FRMD4A: variants seen among roughly 807,000 people sequenced by gnomAD.
FRMD4A encodes the protein FERM domain containing 4A.
FRMD4A carries 29 observed loss-of-function variants against 129.1 expected under a neutral mutation model. The ratio of observed to expected loss-of-function variants is 0.22; its 90% CI spans 0.17 to 0.31. FRMD4A has a LOEUF of 0.31. Among genes scored for constraint, FRMD4A ranks in the 10% least tolerant of loss-of-function variants. The pLI, the probability that FRMD4A is intolerant of heterozygous loss-of-function variation, is 1.00. For synonymous variants in FRMD4A, 634 were observed against 571.6 expected (o/e 1.11, Z -1.56); for missense variants, 1,272 against 1,375.8 (o/e 0.92, Z 1.19).
chr10:14,197,131 C>T (rs1056485783), intron 2 of FRMD4A, among the ~76,000 whole-genome samples: 40 of 152,276 alleles, frequency 2.6e-4, no homozygotes, highest in African/African-American at 9.1e-4. Flanking sequence ...CTGGGACAAG[C>T]AGCTCAACCC....
chr10:14,123,796 T>G (rs564976999), intron 2 of FRMD4A, among the ~76,000 whole-genome samples: 2 of 152,232 alleles, frequency 1.3e-5, no homozygotes, highest in African/African-American at 2.4e-5. Flanking sequence ...AGCCTTTACA[T>G]AGCATGTTAT....
rs186147719 is a variant in FRMD4A, at chr10:14,185,628, C to T, written c.45+144430G>A. Among the ~76,000 whole-genome samples the T allele has an allele frequency of 3.1e-4, 47 of 152,230 alleles. 1 individual carries two copies. In the East Asian group the frequency reaches 6.0e-3, roughly 19 times the overall value. ...AGAGACAGAAAGGGGATATATACTT[C>T]ATGGTCAGAGAGCTGCAGGGGCGGT... On this transcript the variant is annotated intron_variant, in intron 2 of 24. Coordinates refer to ENST00000357447, the MANE Select transcript of FRMD4A (RefSeq NM_018027.5).
At chr10:14,160,125 T>G (rs1179280862) in intron 2 of FRMD4A, among the ~76,000 whole-genome samples, 1 of 152,084 alleles carries the variant, frequency 6.6e-6, no homozygotes, top group Non-Finnish European at 1.5e-5. Flanking sequence ...CATATATCAA[T>G]GGAATGGAAT....
intron 2 of FRMD4A, among the ~76,000 whole-genome samples, chr10:14,226,686 TGAG>T (rs1420475573): frequency 1.3e-5 from 2 of 152,116 alleles, no homozygotes; most frequent in African/African-American, 2.4e-5. Flanking sequence ...CATATAAATG[TGAG>T]GAGAACACAG....
chr10:13,707,954 G>A (rs948949294), intron 12 of FRMD4A: 7 of 919,324 alleles, frequency 7.6e-6, no homozygotes, highest in African/African-American at 7.1e-5. Context: ...CTCCAGGAAC[G>A]GGGTTCCTTT....
intron 2 of FRMD4A, among the ~76,000 whole-genome samples, chr10:13,873,309 A>C (rs2094458210): frequency 6.6e-6 from 1 of 152,138 alleles, no homozygotes; most frequent in South Asian, 2.1e-4. Context: ...TGGATCTAAA[A>C]AAATATAGTT....
In FRMD4A at chr10:14,190,115, A is replaced by G. The variant is rs557067148; in HGVS notation, c.45+139943T>C. On this transcript the variant is annotated intron_variant, in intron 2 of 24. Transcript: ENST00000357447. ...TAGACACTACCCTTTGACTAAGAAA[A>G]CGGTTTTGGTTATCACTCCCATTTT... 2.6e-5 allele frequency among the ~76,000 whole-genome samples: 4 copies of G among 152,304 alleles called. 1 individual carries two copies. The South Asian group carries it at 8.3e-4, about 32-fold the overall frequency.
rs187381653 is a variant in FRMD4A at position 13,688,915 on chromosome 10, A to G, written c.1117+4983T>C. ...ATATTTTTGGTAGAGACCGGATTTC[A>G]TCATGTTGGCCAGGCTAGTCTCGAA... On this transcript the variant is annotated intron_variant, in intron 15 of 24. Transcript: ENST00000357447. Among the ~76,000 whole-genome samples, 5 of 152,078 alleles carry G rather than the reference A, an allele frequency of 3.3e-5. No homozygotes were observed. The East Asian group carries it at 5.8e-4, about 18-fold the overall frequency.
intron 2 of FRMD4A, among the ~76,000 whole-genome samples, chr10:13,920,689 G>A (rs1374360069): frequency 6.6e-6 from 1 of 152,160 alleles, no homozygotes. Flanking sequence ...TTCTCCCATG[G>A]GAACATTCTT....
intron 2 of FRMD4A, among the ~76,000 whole-genome samples, chr10:13,958,725 A>G (rs1201340474): frequency 6.6e-6 from 1 of 151,690 alleles, no homozygotes; most frequent in Non-Finnish European, 1.5e-5. Context: ...AGCTGGGATT[A>G]CAGGCATGCA....
At chr10:14,210,395 C>T (rs1012255976) in intron 2 of FRMD4A, among the ~76,000 whole-genome samples, 2 of 152,146 alleles carry the variant, frequency 1.3e-5, no homozygotes, top group African/African-American at 4.8e-5. Flanking sequence ...TTATAAGCTA[C>T]TTAGTTTATG....
At chr10:13,708,991 C>G (rs2087747438) in intron 12 of FRMD4A, among the ~76,000 whole-genome samples, 1 of 152,116 alleles carries the variant, frequency 6.6e-6, no homozygotes, top group Non-Finnish European at 1.5e-5. Flanking sequence ...GAGACAGACT[C>G]TCACTGTGTC....
At chr10:13,705,644 G>C (rs561060673) in intron 13 of FRMD4A, among the ~76,000 whole-genome samples, 1 of 152,224 alleles carries the variant, frequency 6.6e-6, no homozygotes, top group Admixed American at 6.5e-5. Context: ...TTTCTTCTTG[G>C]CTGGAATCTT....
chr10:13,811,571 C>CAA (rs11361577), intron 3 of FRMD4A, among the ~76,000 whole-genome samples: 3 of 136,300 alleles, frequency 2.2e-5, no homozygotes, highest in Admixed American at 7.4e-5. Flanking sequence ...GACTCTGCCT[C>CAA]AAAAAAAAAA....
chr10:14,176,623 C>A (rs990808904), intron 2 of FRMD4A, among the ~76,000 whole-genome samples: 9 of 151,910 alleles, frequency 5.9e-5, no homozygotes, highest in African/African-American at 2.2e-4. Context: ...TATAGGCACG[C>A]ACCACCACTC....
chr10:14,029,639 G>T (rs1397726271), intron 2 of FRMD4A, among the ~76,000 whole-genome samples: 1 of 152,082 alleles, frequency 6.6e-6, no homozygotes. Context: ...ACCACACAGT[G>T]GATCAGAATC....
chr10:13,773,391 G>T (rs2092512682), intron 6 of FRMD4A, among the ~76,000 whole-genome samples: 1 of 152,168 alleles, frequency 6.6e-6, no homozygotes, highest in Admixed American at 6.5e-5. Context: ...TGGCCTTTTG[G>T]ATGATACTGA....
chr10:14,011,842 C>G (rs2095683587), intron 2 of FRMD4A, among the ~76,000 whole-genome samples: 2 of 152,038 alleles, frequency 1.3e-5, no homozygotes, highest in African/African-American at 4.8e-5. Context: ...AACCCCGTCT[C>G]TACTAAGAAC....
intron 16 of FRMD4A, among the ~76,000 whole-genome samples, chr10:13,670,919 C>T (rs968879109): frequency 5.3e-5 from 8 of 152,180 alleles, no homozygotes; most frequent in African/African-American, 1.7e-4. Context: ...CGTGAGTTCT[C>T]GGGCCTCTCT....
Sources: gnomAD v4.1 joint callset for allele counts (sites outside exome capture counted in the v4.1 genomes callset) on GRCh38, gnomAD v4.1.1 for gene constraint, MANE v1.5 for transcripts, NCBI Gene and HGNC (gene_info 2026-07-23, HGNC 2026-07-21) for gene names.